Variants in ARID2 observed in about 807,000 individuals in gnomAD.
ARID2 encodes AT-rich interaction domain 2, also known as AT-rich interactive domain-containing protein 2.
Under a neutral mutation model 184.6 loss-of-function variants are expected in ARID2, and 32 were observed. The ratio of observed to expected loss-of-function variants is 0.17; its 90% confidence interval spans 0.13 to 0.23. The LOEUF is 0.23. Ranked by LOEUF, ARID2 falls within the 10% of genes least tolerant of loss-of-function variation. ARID2 has a pLI of 1.00. For missense variants in ARID2, 1,696 were observed against 2,197.6 expected, an observed-to-expected ratio of 0.77 and a Z score of 4.56; for synonymous variants, 836 against 772.6, an observed-to-expected ratio of 1.08 and a Z score of -1.36.
intron 11 of ARID2, among the ~76,000 whole-genome samples, chr12:45,843,058 T>G (rs1943381264): frequency 6.6e-6 from 1 of 152,156 alleles, no homozygotes; most frequent in South Asian, 2.1e-4. Flanking sequence ...TCTGAAAACT[T>G]GAGTTCTCCT....
At chr12:45,758,762 C>G (rs1592058618) in intron 3 of ARID2, among the ~76,000 whole-genome samples, 2 of 152,230 alleles carry the variant, frequency 1.3e-5, no homozygotes, top group South Asian at 4.1e-4. Context: ...TTCCAGCTAG[C>G]AGGGCAGAGT....
chr12:45,826,684 G>A lies in ARID2; in HGVS notation c.705+5197G>A, dbSNP rs149183533. ...TCCTCCTGCCTCGGCCTCCCAGAGT[G>A]CTGGGATTATAAGCATGAACCACCC... On this transcript the variant is annotated intron_variant, in intron 6 of 20. Coordinates refer to ENST00000334344, the MANE Select transcript of ARID2 (RefSeq NM_152641.4). 9.2e-5 allele frequency among the ~76,000 whole-genome samples: 14 copies of A among 152,152 alleles called. No individual in the cohort carries two copies. In the East Asian group the frequency reaches 2.7e-3, roughly 29 times the overall value.
chr12:45,800,092 C>T (rs1338838180), intron 3 of ARID2, among the ~76,000 whole-genome samples: 2 of 152,160 alleles, frequency 1.3e-5, no homozygotes, highest in African/African-American at 4.8e-5. Flanking sequence ...TCATGCAGTT[C>T]ACCCACCTCA....
chr12:45,865,585 G>C (rs1159023835), intron 16 of ARID2, among the ~76,000 whole-genome samples: 1 of 151,980 alleles, frequency 6.6e-6, no homozygotes, highest in Non-Finnish European at 1.5e-5. Context: ...AGTTAGGAAG[G>C]CTTTCTCTGT....
intron 3 of ARID2, among the ~76,000 whole-genome samples, chr12:45,775,148 G>T (rs1941951398): frequency 6.6e-6 from 1 of 152,172 alleles, no homozygotes; most frequent in Admixed American, 6.5e-5. Context: ...GATTCTTGCA[G>T]GTTTGAGGGA....
intron 3 of ARID2, among the ~76,000 whole-genome samples, chr12:45,800,638 A>G (rs1942480189): frequency 9.7e-6 from 1 of 102,994 alleles, no homozygotes. Flanking sequence ...TCTAAATACC[A>G]TTCATCACTG....
rs778689253 is a variant in ARID2, at chr12:45,834,383, GA to G, written c.706-2202del. Among the ~76,000 whole-genome samples, 175 of 151,818 alleles carry G rather than the reference GA, an allele frequency of 1.2e-3. 1 individual carries two copies. Among genetic ancestry groups the G allele is most frequent in the Non-Finnish European group, 2.0e-3 (134 of 67,968 alleles). On this transcript the variant is annotated intron_variant, in intron 6 of 20. Coordinates refer to ENST00000334344, the MANE Select transcript of ARID2 (RefSeq NM_152641.4). ...GAGCTTTTCTGTTTTTTATTTGTCA[GA>G]AAATGTTTTTATGTCACTTTCATTC... is the stretch of plus-strand genomic sequence containing the variant.
rs1367080331 is a variant in ARID2, at chr12:45,851,182, C to A, written c.3059C>A (p.Ala1020Glu). 6.2e-7 allele frequency: 1 copy of A among 1,614,162 alleles called. No homozygotes were observed. Among genetic ancestry groups the A allele is most frequent in the South Asian group, 1.1e-5 (1 of 91,084 alleles). Residue 1020 changes from alanine (A) to glutamate (E), a missense_variant, in exon 15 of 21, where the codon GCA becomes GAA. Physicochemically the swap from Ala to Glu is moderately radical, Grantham distance 107 (BLOSUM62 -1). Transcript: ENST00000334344. Reference sequence around the variant, plus strand: ...CAGCAACAGCAGCAACATTCACCAGCACCCCCACCACAGCAGGTACAAGTA... The same window carrying A: ...CAGCAACAGCAGCAACATTCACCAGAACCCCCACCACAGCAGGTACAAGTA... Reference protein sequence around the residue: ...KRQQQQQHSPAPPPQQVQVQV... With the variant: ...KRQQQQQHSPEPPPQQVQVQV...
chr12:45,901,772 C>T (rs1944463628), intron 20 of ARID2, among the ~76,000 whole-genome samples: 1 of 152,016 alleles, frequency 6.6e-6, no homozygotes. Flanking sequence ...AGTGATCCTC[C>T]CACCTTAGCC....
intron 3 of ARID2, among the ~76,000 whole-genome samples, chr12:45,780,151 A>G (rs1942061573): frequency 6.6e-6 from 1 of 152,238 alleles, no homozygotes; most frequent in Non-Finnish European, 1.5e-5. Flanking sequence ...ACAAGTATTT[A>G]CTAACCACTT....
chr12:45,898,437 A>T (rs1261709847), intron 20 of ARID2, among the ~76,000 whole-genome samples: 1 of 152,244 alleles, frequency 6.6e-6, no homozygotes, highest in African/African-American at 2.4e-5. Context: ...AGTACGTTTT[A>T]TGTTATGTAT....
At chr12:45,849,085 T>C (rs1468361301) in intron 13 of ARID2, 115 bp downstream of exon 13, 1 of 1,209,260 alleles carries the variant, frequency 8.3e-7, no homozygotes, top group East Asian at 2.5e-5. Flanking sequence ...CTACTAGAAG[T>C]TTCGTATGGA....
chr12:45,891,058 G>A (rs12313355), intron 16 of ARID2, among the ~76,000 whole-genome samples: 3,583 of 152,046 alleles, frequency 0.024, 158 homozygotes, highest in African/African-American at 0.082. Flanking sequence ...CCAGGTACTC[G>A]GGAGGCTGAA....
chr12:45,783,144 A>G (rs185987948), intron 3 of ARID2, among the ~76,000 whole-genome samples: 69 of 152,090 alleles, frequency 4.5e-4, no homozygotes, highest in Non-Finnish European at 8.4e-4. Context: ...CAAAAAAAAA[A>G]GTGAAAAATG....
intron 16 of ARID2, among the ~76,000 whole-genome samples, chr12:45,879,180 G>GT (rs1430312994): frequency 6.6e-6 from 1 of 152,138 alleles, no homozygotes; most frequent in Non-Finnish European, 1.5e-5. Flanking sequence ...TGCGACTTTG[G>GT]TAAGTTTTTC....
At chr12:45,863,154 G>T (rs1295998194) in intron 16 of ARID2, among the ~76,000 whole-genome samples, 1 of 152,150 alleles carries the variant, frequency 6.6e-6, no homozygotes, top group Non-Finnish European at 1.5e-5. Context: ...TTTACTACAA[G>T]CATTACATTT....
chr12:45,755,540 A>G (rs1387529271), intron 3 of ARID2, among the ~76,000 whole-genome samples: 1 of 152,252 alleles, frequency 6.6e-6, no homozygotes, highest in East Asian at 1.9e-4. Flanking sequence ...GATTTACAGA[A>G]GAACAGGTTA....
chr12:45,826,513 C>G (rs1320188004), intron 6 of ARID2, among the ~76,000 whole-genome samples: 1 of 152,046 alleles, frequency 6.6e-6, no homozygotes, highest in Admixed American at 6.6e-5. Flanking sequence ...GTCCTCGGCC[C>G]AAGGGATCCT....
At chr12:45,843,658 T>C (rs1943392203) in intron 11 of ARID2, among the ~76,000 whole-genome samples, 2 of 152,200 alleles carry the variant, frequency 1.3e-5, no homozygotes, top group East Asian at 1.9e-4. Context: ...TTTTTAGGAT[T>C]ACTGGGTTGG....
Sources: allele counts gnomAD v4.1 joint callset (sites outside exome capture counted in the v4.1 genomes callset), GRCh38; gene constraint gnomAD v4.1.1; transcripts MANE v1.5; gene names NCBI Gene and HGNC (gene_info 2026-07-23, HGNC 2026-07-21).